Variants in ABLIM3 observed in about 807,000 individuals in gnomAD.
ABLIM3 encodes the protein actin binding LIM protein family member 3.
In ABLIM3, 61 loss-of-function variants were observed where a neutral mutation model predicts 109.5. The ratio of observed to expected loss-of-function variants is 0.56; its 90% CI spans 0.45 to 0.69. ABLIM3 has a LOEUF of 0.69. Ranked by LOEUF, ABLIM3 falls within the 30% of genes least tolerant of loss-of-function variation. The pLI, the probability that ABLIM3 is intolerant of heterozygous loss-of-function variation, is 0.00. For synonymous variants in ABLIM3, 300 were observed against 324.8 expected (o/e 0.92, Z 0.82); for missense variants, 796 against 889.5 (o/e 0.89, Z 1.34).
intron 6 of ABLIM3, among the ~76,000 whole-genome samples, chr5:149,210,512 A>T (rs1205732044): frequency 6.6e-6 from 1 of 152,212 alleles, no homozygotes; most frequent in Non-Finnish European, 1.5e-5. Flanking sequence ...TAAAAAATGG[A>T]GCACACAGGA....
At chr5:149,242,031 C>A (rs1272619728) in intron 14 of ABLIM3, among the ~76,000 whole-genome samples, 1 of 152,230 alleles carries the variant, frequency 6.6e-6, no homozygotes, top group Non-Finnish European at 1.5e-5. Flanking sequence ...GTTTCATCTA[C>A]ACCTTCCTCA....
intron 5 of ABLIM3, among the ~76,000 whole-genome samples, chr5:149,201,037 A>G (rs981515609): frequency 6.6e-6 from 1 of 152,158 alleles, no homozygotes; most frequent in African/African-American, 2.4e-5. Flanking sequence ...CTGTCTAGGG[A>G]TAAAGGCAGC....
chr5:149,165,325 G>A (rs1754725635), intron 2 of ABLIM3, among the ~76,000 whole-genome samples: 1 of 152,128 alleles, frequency 6.6e-6, no homozygotes, highest in Admixed American at 6.6e-5. Context: ...CACACTACCT[G>A]TCTTTGTATA....
intron 2 of ABLIM3, among the ~76,000 whole-genome samples, chr5:149,178,297 C>G (rs1037508576): frequency 2.0e-5 from 3 of 152,188 alleles, no homozygotes; most frequent in African/African-American, 7.2e-5. Context: ...GTTTTGGGCT[C>G]TAATTGAGAA....
chr5:149,156,145 C>A lies in ABLIM3; in HGVS notation c.13+14037C>A, dbSNP rs146023035. On this transcript the variant is annotated intron_variant, in intron 2 of 23. Coordinates refer to ENST00000309868, the MANE Select transcript of ABLIM3 (RefSeq NM_014945.5). ...CCCATGGGTGGGCTTGCTGTATATT[C>A]TAATACCTGGGACTGTGAAAACTGG... Among the ~76,000 whole-genome samples the A allele has an allele frequency of 1.3e-3, 191 of 152,352 alleles. 1 individual carries two copies. Among genetic ancestry groups the A allele is most frequent in the African/African-American group, 4.5e-3 (188 of 41,590 alleles).
In ABLIM3 at chr5:149,239,748, T is replaced by A; in HGVS notation, c.1075-11T>A. 1 of 1,585,508 alleles carries A rather than the reference T, an allele frequency of 6.3e-7. No homozygotes were observed. Among genetic ancestry groups the A allele is most frequent in the Non-Finnish European group, 8.6e-7 (1 of 1,167,370 alleles). ...AGCCAGCCATGCTCACAGCCCCATT[T>A]CCTCTCCCAGGACATCTACGAGAAC... On this transcript the variant is annotated splice_polypyrimidine_tract_variant and intron_variant, in intron 12 of 23. Coordinates refer to ENST00000309868, the MANE Select transcript of ABLIM3 (RefSeq NM_014945.5).
At chr5:149,164,689 G>A (rs766317188) in intron 2 of ABLIM3, among the ~76,000 whole-genome samples, 3 of 152,114 alleles carry the variant, frequency 2.0e-5, no homozygotes, top group Admixed American at 1.3e-4. Context: ...CATAAGAAGC[G>A]CATGACATGA....
Position 149,239,296 on chromosome 5 carries a change from A to C in ABLIM3, c.1074+19A>C. On this transcript the variant is annotated intron_variant, in intron 12 of 23. Transcript: ENST00000309868. ...CTCCCAGGTAATTCAGCTGATAGAG[A>C]ATTAAGTTGATATATAATTGTGCCC... 3.7e-6 allele frequency: 6 copies of C among 1,612,470 alleles called. No individual in the cohort carries two copies. Among genetic ancestry groups the C allele is most frequent in the Non-Finnish European group, 5.1e-6 (6 of 1,178,600 alleles).
chr5:149,180,324 T>C (rs17109726), intron 2 of ABLIM3, among the ~76,000 whole-genome samples: 10,300 of 152,308 alleles, frequency 0.068, 869 homozygotes, highest in African/African-American at 0.19. Flanking sequence ...AGGGCAGTTA[T>C]AGATTGGTAG....
chr5:149,222,661 C>CT (rs552243427), intron 8 of ABLIM3, among the ~76,000 whole-genome samples: 4,549 of 124,026 alleles, frequency 0.037, 312 homozygotes, highest in African/African-American at 0.11. Flanking sequence ...TTTCAGATTA[C>CT]TTTTTTTTTT....
chr5:149,210,466 A>C lies in ABLIM3; in HGVS notation c.576-260A>C, dbSNP rs569388694. 5.6e-4 allele frequency among the ~76,000 whole-genome samples: 85 copies of C among 152,358 alleles called. 1 individual carries two copies. Among genetic ancestry groups the C allele is most frequent in the African/African-American group, 2.0e-3 (82 of 41,594 alleles). ...GGGTGGTATAAGAATAAGGGATAAC[A>C]ATCTTATCACTGTCCGCCAAGTGAT... is the stretch of plus-strand genomic sequence containing the variant. On this transcript the variant is annotated intron_variant, in intron 6 of 23. Coordinates refer to ENST00000309868, the MANE Select transcript of ABLIM3 (RefSeq NM_014945.5).
intron 2 of ABLIM3, among the ~76,000 whole-genome samples, chr5:149,173,711 G>A (rs925118916): frequency 6.6e-6 from 1 of 151,992 alleles, no homozygotes; most frequent in East Asian, 1.9e-4. Context: ...AAGCTGGCCA[G>A]GGGTAAGGCA....
intron 5 of ABLIM3, among the ~76,000 whole-genome samples, chr5:149,201,216 G>A (rs575151857): frequency 7.2e-5 from 11 of 152,136 alleles, no homozygotes; most frequent in Non-Finnish European, 1.6e-4. Flanking sequence ...AGATGCAGTT[G>A]GCAGGCTGCT....
Position 149,252,220 on chromosome 5 carries a change from G to T in ABLIM3, c.1857+12G>T. ...CTGCAGAGTACAAGGTAAAGGATGT[G>T]CATAGACCCTGGGGGTCTCCAGGAT... On this transcript the variant is annotated intron_variant, in intron 22 of 23. Coordinates refer to ENST00000309868, the MANE Select transcript of ABLIM3 (RefSeq NM_014945.5). 1 of 1,613,222 alleles carries T rather than the reference G, an allele frequency of 6.2e-7. No individual in the cohort carries two copies. The highest frequency in any genetic ancestry group is 1.7e-5 in the Admixed American group (1 of 59,874).
At chr5:149,227,070 CAAAAAAAA>C (rs70973514) in intron 8 of ABLIM3, among the ~76,000 whole-genome samples, 6 of 96,332 alleles carry the variant, frequency 6.2e-5, no homozygotes, top group Non-Finnish European at 8.2e-5. Flanking sequence ...AACTCCATCT[CAAAAAAAA>C]AAAAAAAAAA....
chr5:149,227,557 G>C (rs1230958042), intron 8 of ABLIM3, among the ~76,000 whole-genome samples: 1 of 152,158 alleles, frequency 6.6e-6, no homozygotes, highest in Non-Finnish European at 1.5e-5. Context: ...CTCAAATTAT[G>C]AGTCATAAAA....
chr5:149,165,280 G>A (rs540341324), intron 2 of ABLIM3, among the ~76,000 whole-genome samples: 1 of 152,306 alleles, frequency 6.6e-6, no homozygotes, highest in East Asian at 1.9e-4. Context: ...TCTGTAGCAA[G>A]AGTGGATAAA....
At chr5:149,163,760 G>A (rs368775624) in intron 2 of ABLIM3, among the ~76,000 whole-genome samples, 2 of 152,216 alleles carry the variant, frequency 1.3e-5, no homozygotes. Context: ...GAATTTGGGG[G>A]GTGAGAGAGA....
In ABLIM3 at chr5:149,258,637, T is replaced by TG; in HGVS notation, c.*237dup. On this transcript the variant is annotated 3_prime_UTR_variant, in exon 24 of 24. Transcript: ENST00000309868. ...ATTTGAGGGGACTCTGTCCTTTTAT[T>TG]GGGGATCCTTTTTATACTGAAACAT... 8.0e-7 allele frequency: 1 copy of TG among 1,255,776 alleles called. No homozygotes were observed. The highest frequency in any genetic ancestry group is 1.0e-6 in the Non-Finnish European group (1 of 999,756). 77.8% of individuals were successfully genotyped at this position (1,255,776 alleles called of 1,614,324 possible).
Sources: gnomAD v4.1 joint callset for allele counts (sites outside exome capture counted in the v4.1 genomes callset) on GRCh38, gnomAD v4.1.1 for gene constraint, MANE v1.5 for transcripts, NCBI Gene and HGNC (gene_info 2026-07-23, HGNC 2026-07-21) for gene names.